Variants in PLEKHM2 observed in about 807,000 individuals in gnomAD.
PLEKHM2 encodes the protein pleckstrin homology domain-containing family M member 2.
Under a neutral mutation model 116.3 loss-of-function variants are expected in PLEKHM2, and 77 were observed. The ratio of observed to expected loss-of-function variants is 0.66; its 90% CI spans 0.55 to 0.80. The LOEUF (loss-of-function observed/expected upper bound fraction) is 0.80, where lower values mean the gene tolerates loss of function less well. Ranked by LOEUF, PLEKHM2 falls within the 30% of genes least tolerant of loss-of-function variation. The pLI is 0.00. For synonymous variants in PLEKHM2, 562 were observed against 571.0 expected, an observed-to-expected ratio of 0.98 and a Z score of 0.22; for missense variants, 1,183 against 1,354.9, an observed-to-expected ratio of 0.87 and a Z score of 1.99.
chr1:15,723,931 G>A (rs561432183), intron 7 of PLEKHM2, among the ~76,000 whole-genome samples: 13 of 152,316 alleles, frequency 8.5e-5, no homozygotes, highest in East Asian at 7.7e-4. Flanking sequence ...AATAGAGCAC[G>A]ACCAGCCATG....
intron 7 of PLEKHM2, among the ~76,000 whole-genome samples, chr1:15,724,356 G>A (rs2068033360): frequency 6.6e-6 from 1 of 152,182 alleles, no homozygotes; most frequent in African/African-American, 2.4e-5. Context: ...GGTGGCGCAT[G>A]CCTGTAATCC....
rs142306993 is a variant in PLEKHM2, at chr1:15,731,839, G to A, written c.2466-50G>A. On this transcript the variant is annotated intron_variant, in intron 16 of 19. Coordinates refer to ENST00000375799, the MANE Select transcript of PLEKHM2 (RefSeq NM_015164.4). Reference sequence around the variant, plus strand: ...CACCAACCCTGGGGGCTGTCGCCCCGTGCTGCCCTTGCCTCCTCGCTCCCG... The same window carrying A: ...CACCAACCCTGGGGGCTGTCGCCCCATGCTGCCCTTGCCTCCTCGCTCCCG... 1.7e-3 allele frequency: 2,603 copies of A among 1,546,850 alleles called. 2 individuals are homozygous for A. The highest frequency in any genetic ancestry group is 2.2e-3 in the Non-Finnish European group (2,489 of 1,138,134).
Position 15,728,002 on chromosome 1 carries a change from C to T in PLEKHM2, c.1761-77C>T, listed in dbSNP as rs1571068364. ...CTAGTGGGAGGCGGAGGCACTACCC[C>T]CTGGCTCTGGGGTGGGGTGTGGCCT... On this transcript the variant is annotated intron_variant, in intron 9 of 19. Transcript: ENST00000375799. This position sits in a 1 kb window ranked among gnomAD's most constrained non-coding sequence, Gnocchi z 5.9. The T allele has an allele frequency of 6.8e-6, 9 of 1,320,542 alleles. No homozygotes were observed. The East Asian group carries it at 9.9e-5, about 14-fold the overall frequency. 81.8% of individuals were successfully genotyped at this position (1,320,542 alleles called of 1,614,324 possible). A position where few individuals can be genotyped will look rare whatever the true frequency, so the allele number is the denominator to read the frequency against.
At chr1:15,708,366 A>G (rs1440658460) in intron 1 of PLEKHM2, among the ~76,000 whole-genome samples, 1 of 151,082 alleles carries the variant, frequency 6.6e-6, no homozygotes, top group South Asian at 2.1e-4. Context: ...ACAGGTGCAC[A>G]CCACCACGCC....
At chr1:15,712,704 C>T (rs1187819721) in intron 1 of PLEKHM2, among the ~76,000 whole-genome samples, 3 of 147,926 alleles carry the variant, frequency 2.0e-5, no homozygotes, top group African/African-American at 5.1e-5. Flanking sequence ...GCAGTGGTGC[C>T]ATTACAGCTC....
At position 15,729,000 on chromosome 1, in the gene PLEKHM2, T is replaced by C; in HGVS notation, c.1987-102T>C. 1 of 1,065,826 alleles carries C rather than the reference T, an allele frequency of 9.4e-7. No homozygotes were observed. Among genetic ancestry groups the C allele is most frequent in the East Asian group, 2.6e-5 (1 of 38,308 alleles). 66.0% of individuals were successfully genotyped at this position (1,065,826 alleles called of 1,614,324 possible). On this transcript the variant is annotated intron_variant, in intron 12 of 19. Transcript: ENST00000375799. This position sits in a 1 kb window ranked among gnomAD's most constrained non-coding sequence, Gnocchi z 5.9. ...GGCTTTACTTGGTGGTGGCCCGGGG[T>C]GTGCTTCTTCCTCCCCAGCAAGCGC...
chr1:15,712,437 G>A (rs1641354269), intron 1 of PLEKHM2, among the ~76,000 whole-genome samples: 1 of 152,134 alleles, frequency 6.6e-6, no homozygotes, highest in African/African-American at 2.4e-5. Context: ...TGGCTCAGCA[G>A]TTCCCCTTGC....
chr1:15,705,337 A>G (rs983941801), intron 1 of PLEKHM2, among the ~76,000 whole-genome samples: 1 of 151,478 alleles, frequency 6.6e-6, no homozygotes, highest in Admixed American at 6.6e-5. Context: ...TCGTGCCATC[A>G]TGTCCGACTA....
intron 7 of PLEKHM2, among the ~76,000 whole-genome samples, chr1:15,724,591 T>C (rs576869104): frequency 5.3e-5 from 8 of 152,116 alleles, no homozygotes; most frequent in Admixed American, 4.6e-4. Context: ...AGAAGCAGCC[T>C]GGGGGGCGGC....
At chr1:15,688,320 G>C (rs1490718031) in intron 1 of PLEKHM2, among the ~76,000 whole-genome samples, 3 of 152,202 alleles carry the variant, frequency 2.0e-5, no homozygotes, top group Non-Finnish European at 4.4e-5. Context: ...GGGTGAGAGA[G>C]AACTGGAGAG....
chr1:15,732,132 C>G (rs2068153406), intron 17 of PLEKHM2, 84 bp downstream of exon 17: 17 of 1,347,102 alleles, frequency 1.3e-5, no homozygotes, highest in Non-Finnish European at 1.6e-5. Flanking sequence ...CCCATAGTCA[C>G]AGAGCAACCT....
Position 15,733,874 on chromosome 1 carries a change from C to A in PLEKHM2, c.3000C>A (p.Ser1000Arg), listed in dbSNP as rs763585907. The change falls in exon 20 of 20, where the codon AGC (serine) becomes AGA (arginine). Residue 1000 changes from serine to arginine, a missense_variant. This residue lies in a region of PLEKHM2 where 594 missense variants were observed against 720.1 expected (regional missense o/e 0.82). Transcript: ENST00000375799. ...AGGATGCCTTGAGCCTCATCCACAG[C>A]GCCTGGCAGCGGAGCGACAGTCTCT... ...KFEDALSLIH[S>R]AWQRSDSLCR... 6.2e-7 allele frequency: 1 copy of A among 1,612,994 alleles called. No homozygotes were observed. The highest frequency in any genetic ancestry group is 1.1e-5 in the South Asian group (1 of 91,082).
rs1453093500 is a variant in PLEKHM2 at position 15,731,253 on chromosome 1, A to G, written c.2461A>G (p.Met821Val). Residue 821 changes from methionine (M) to valine (V), a missense_variant, in exon 16 of 20, where the codon ATG becomes GTG. Coordinates refer to ENST00000375799, the MANE Select transcript of PLEKHM2 (RefSeq NM_015164.4). ...TDVIPLLSVNMGGEQCGGCRR... is the reference protein window; with the variant it reads ...TDVIPLLSVNVGGEQCGGCRR... ...CGTCATCCCTCTGCTCTCGGTGAAC[A>G]TGGGGTAAGTGTCCCGGGAGAAGCG... 6.9e-6 allele frequency: 11 copies of G among 1,586,158 alleles called. No homozygotes were observed. The highest frequency in any genetic ancestry group is 1.3e-5 in the African/African-American group (1 of 74,298).
intron 1 of PLEKHM2, among the ~76,000 whole-genome samples, chr1:15,701,258 C>T (rs765190272): frequency 2.7e-5 from 4 of 150,132 alleles, no homozygotes; most frequent in Non-Finnish European, 5.9e-5. Flanking sequence ...ATGGTGAAAC[C>T]CCATCTCTAC....
In PLEKHM2 at chr1:15,725,335, C is replaced by G; in HGVS notation, c.731C>G (p.Thr244Arg). 3 of 1,550,844 alleles carry G rather than the reference C, an allele frequency of 1.9e-6. No individual in the cohort carries two copies. The highest frequency in any genetic ancestry group is 2.6e-6 in the Non-Finnish European group (3 of 1,146,586). ...TDWEDGDLTD[T>R]VSGPRSTASD... ...CTCCCAGATGGAGACCTCACAGACA[C>G]GGTCAGTGGTCCCCGCTCCACAGCC... is the stretch of plus-strand genomic sequence containing the variant. The change falls in exon 8 of 20, where the codon ACG becomes AGG. Residue 244 changes from threonine to arginine, a missense_variant. Coordinates refer to ENST00000375799, the MANE Select transcript of PLEKHM2 (RefSeq NM_015164.4).
chr1:15,704,873 G>A (rs552947960), intron 1 of PLEKHM2, among the ~76,000 whole-genome samples: 21 of 152,278 alleles, frequency 1.4e-4, no homozygotes, highest in Admixed American at 5.2e-4. Context: ...CTGTGCCTTC[G>A]TGGTCTAAGA....
rs571394304 is a variant in PLEKHM2, at chr1:15,729,791, A to G, written c.2076-6A>G. The G allele has an allele frequency of 3.2e-5, 52 of 1,610,292 alleles. 1 individual carries two copies. The highest frequency in any genetic ancestry group is 1.8e-4 in the South Asian group (16 of 90,716). The stretch of plus-strand genomic sequence containing the variant: ...CCTCTAACCACAAACCTCACTCCCT[A>G]TGCAGGTTCTTTTTGGCTTCTTTGA... On this transcript the variant is annotated splice_region_variant and splice_polypyrimidine_tract_variant and intron_variant, in intron 13 of 19. Coordinates refer to ENST00000375799, the MANE Select transcript of PLEKHM2 (RefSeq NM_015164.4). The surrounding 1 kb of genome is among the most constrained non-coding windows in gnomAD (Gnocchi z 4.7).
At chr1:15,686,648 AT>A (rs1233033159) in intron 1 of PLEKHM2, among the ~76,000 whole-genome samples, 1,861 of 134,164 alleles carry the variant, frequency 0.014, 42 homozygotes, top group African/African-American at 0.047. Flanking sequence ...ACCCGGCTAA[AT>A]TTTTTTTTTT....
chr1:15,713,461 A>G (rs1267978846), intron 1 of PLEKHM2, among the ~76,000 whole-genome samples: 3 of 152,134 alleles, frequency 2.0e-5, no homozygotes, highest in Non-Finnish European at 2.9e-5. Flanking sequence ...CTTTAAAGGT[A>G]TCTTAGCTGA....
Sources: gnomAD v4.1 joint callset for allele counts (sites outside exome capture counted in the v4.1 genomes callset) on GRCh38, gnomAD v4.1.1 for gene constraint, gnomAD v4.1.1 regional missense constraint, Gnocchi (gnomAD v3.1) non-coding constraint, MANE v1.5 for transcripts, NCBI Gene and HGNC (gene_info 2026-07-23, HGNC 2026-07-21) for gene names.